BMP5: variants seen among roughly 807,000 people sequenced by gnomAD.
The protein encoded by BMP5 is bone morphogenetic protein 5.
In BMP5, 23 loss-of-function variants were observed where a neutral mutation model predicts 46.6. That is an observed-to-expected ratio of 0.49 (90% CI 0.35 to 0.70). The LOEUF is 0.70. Ranked by LOEUF, BMP5 falls within the 30% of genes least tolerant of loss-of-function variation. The pLI, the probability that BMP5 is intolerant of heterozygous loss-of-function variation, is 0.00. For missense variants in BMP5, 545 were observed against 565.6 expected (o/e 0.96, Z 0.37); for synonymous variants, 204 against 191.9 (o/e 1.06, Z -0.52).
Position 55,792,048 on chromosome 6 carries a change from C to G in BMP5, c.832+2231G>C, listed in dbSNP as rs116067250. On this transcript the variant is annotated intron_variant, in intron 3 of 6. Coordinates refer to ENST00000370830, the MANE Select transcript of BMP5 (RefSeq NM_021073.4). The stretch of plus-strand genomic sequence containing the variant: ...TCAGTCTACATTTATAATGCTTGAA[C>G]TCTGAGGATCCTTTAATGATAATCG... Among the ~76,000 whole-genome samples, 496 of 152,276 alleles carry G rather than the reference C, an allele frequency of 3.3e-3. 1 individual carries two copies. The highest frequency in any genetic ancestry group is 5.2e-3 in the Admixed American group (79 of 15,292).
intron 1 of BMP5, among the ~76,000 whole-genome samples, chr6:55,857,032 T>C (rs1777416352): frequency 6.6e-6 from 1 of 152,200 alleles, no homozygotes; most frequent in African/African-American, 2.4e-5. Flanking sequence ...TAAAGTTTTA[T>C]GTGGTTCATG....
chr6:55,776,401 G>A (rs1334915753), intron 3 of BMP5, among the ~76,000 whole-genome samples: 1 of 151,564 alleles, frequency 6.6e-6, no homozygotes, highest in Non-Finnish European at 1.5e-5. Context: ...TTCAGGTGTA[G>A]CACTTGAAAT....
At chr6:55,823,353 A>C (rs1409070023) in intron 1 of BMP5, among the ~76,000 whole-genome samples, 1 of 152,096 alleles carries the variant, frequency 6.6e-6, no homozygotes, top group Non-Finnish European at 1.5e-5. Context: ...AAATCTTTTA[A>C]TAAATATTAA....
At chr6:55,789,222 GA>G (rs1333697634) in intron 3 of BMP5, among the ~76,000 whole-genome samples, 2 of 151,744 alleles carry the variant, frequency 1.3e-5, no homozygotes, top group Non-Finnish European at 3.0e-5. Context: ...TGAATAGAAA[GA>G]AAAAAAGTCA....
chr6:55,812,421 T>C (rs1365283713), intron 2 of BMP5, among the ~76,000 whole-genome samples: 1 of 152,212 alleles, frequency 6.6e-6, no homozygotes, highest in Non-Finnish European at 1.5e-5. Flanking sequence ...TTTGATTGCA[T>C]AACACTGTCA....
rs555905246 is a variant in BMP5 at position 55,853,733 on chromosome 6, C to T, written c.490+20643G>A. 2.8e-4 allele frequency among the ~76,000 whole-genome samples: 42 copies of T among 152,120 alleles called. No homozygotes were observed. The South Asian group carries it at 7.9e-3, about 29-fold the overall frequency. ...TTATCCTTTAATAAACATTGTATTC[C>T]ATGGAAGCTAATGTAGAGAACTGCT... On this transcript the variant is annotated intron_variant, in intron 1 of 6. Coordinates refer to ENST00000370830, the MANE Select transcript of BMP5 (RefSeq NM_021073.4).
At chr6:55,783,129 A>G (rs759508940) in intron 3 of BMP5, among the ~76,000 whole-genome samples, 3 of 152,108 alleles carry the variant, frequency 2.0e-5, no homozygotes, top group Non-Finnish European at 4.4e-5. Flanking sequence ...CTTAGTAAGT[A>G]AGTAGGAAGA....
chr6:55,865,066 GA>G (rs1331146690), intron 1 of BMP5, among the ~76,000 whole-genome samples: 1 of 152,102 alleles, frequency 6.6e-6, no homozygotes, highest in Non-Finnish European at 1.5e-5. Context: ...AGACAATACT[GA>G]AAGCTCCAGG....
At chr6:55,843,317 A>C (rs1026640318) in intron 1 of BMP5, among the ~76,000 whole-genome samples, 1 of 152,120 alleles carries the variant, frequency 6.6e-6, no homozygotes, top group Non-Finnish European at 1.5e-5. Flanking sequence ...ATATTTAAGC[A>C]TTTTATAAAC....
chr6:55,873,567 A>G (rs376002093), intron 1 of BMP5, among the ~76,000 whole-genome samples: 1 of 151,922 alleles, frequency 6.6e-6, no homozygotes, highest in East Asian at 1.9e-4. Context: ...ATTTGACATT[A>G]TCAGTATTTA....
intron 1 of BMP5, among the ~76,000 whole-genome samples, chr6:55,821,657 G>T (rs1037070048): frequency 6.6e-6 from 1 of 151,998 alleles, no homozygotes; most frequent in Non-Finnish European, 1.5e-5. Flanking sequence ...CCTAAATAAG[G>T]ACAAAAAACC....
chr6:55,792,397 G>A (rs768862863), intron 3 of BMP5, among the ~76,000 whole-genome samples: 1 of 152,142 alleles, frequency 6.6e-6, no homozygotes, highest in Admixed American at 6.5e-5. Flanking sequence ...AGCCGGGCAT[G>A]GTGGCAGGCG....
intron 1 of BMP5, among the ~76,000 whole-genome samples, chr6:55,841,405 C>T (rs1360749390): frequency 1.3e-5 from 2 of 152,102 alleles, no homozygotes; most frequent in Non-Finnish European, 2.9e-5. Context: ...TTTTGATTCT[C>T]TTTTCTTCAG....
intron 1 of BMP5, among the ~76,000 whole-genome samples, chr6:55,844,455 A>G (rs1261132504): frequency 6.6e-6 from 1 of 152,014 alleles, no homozygotes; most frequent in African/African-American, 2.4e-5. Flanking sequence ...CAGATTACGC[A>G]TATTTGTGAA....
chr6:55,775,323 A>G (rs999853411), intron 3 of BMP5, among the ~76,000 whole-genome samples: 1 of 151,940 alleles, frequency 6.6e-6, no homozygotes, highest in Non-Finnish European at 1.5e-5. Flanking sequence ...CAAATGCCCT[A>G]CAGTTAGGTA....
chr6:55,764,617 A>T (rs1459897159), intron 4 of BMP5, among the ~76,000 whole-genome samples: 1 of 151,752 alleles, frequency 6.6e-6, no homozygotes, highest in Non-Finnish European at 1.5e-5. Flanking sequence ...AAGAAAAAAA[A>T]GTCAATTAGA....
intron 3 of BMP5, among the ~76,000 whole-genome samples, chr6:55,777,452 C>T (rs1342366324): frequency 6.6e-6 from 1 of 151,842 alleles, no homozygotes; most frequent in Non-Finnish European, 1.5e-5. Flanking sequence ...AAAGCTGATT[C>T]TTGTTTTAGA....
intron 1 of BMP5, among the ~76,000 whole-genome samples, chr6:55,830,035 T>C (rs1303346860): frequency 2.6e-5 from 4 of 152,040 alleles, no homozygotes; most frequent in Non-Finnish European, 1.5e-5. Context: ...ATGTCATAAG[T>C]TTCCCTAATA....
At chr6:55,821,242 T>C (rs2127539095) in intron 1 of BMP5, among the ~76,000 whole-genome samples, 1 of 152,252 alleles carries the variant, frequency 6.6e-6, no homozygotes, top group Non-Finnish European at 1.5e-5. Context: ...TGCTTTGCCT[T>C]CATCCTCCAT....
Sources: gnomAD v4.1 joint callset for allele counts (sites outside exome capture counted in the v4.1 genomes callset) on GRCh38, gnomAD v4.1.1 for gene constraint, MANE v1.5 for transcripts, NCBI Gene and HGNC (gene_info 2026-07-23, HGNC 2026-07-21) for gene names.